ZNF790: variants seen among roughly 807,000 people sequenced by gnomAD.
ZNF790 encodes the protein zinc finger protein 790.
ZNF790 carries 8 observed loss-of-function variants against 12.1 expected under a neutral mutation model. The observed-to-expected ratio is 0.66, with a 90% CI of 0.39 to 1.19. ZNF790 has a LOEUF of 1.19. Among genes scored for constraint, ZNF790 ranks in the 50% most tolerant of loss-of-function variants. The pLI is 0.01. For synonymous variants in ZNF790, 252 were observed against 244.3 expected, an observed-to-expected ratio of 1.03 and a Z score of -0.29; for missense variants, 707 against 752.2, an observed-to-expected ratio of 0.94 and a Z score of 0.70.
intron 1 of ZNF790, among the ~76,000 whole-genome samples, chr19:36,835,229 C>T (rs952660644): frequency 3.3e-5 from 5 of 151,986 alleles, no homozygotes; most frequent in African/African-American, 4.8e-5. Flanking sequence ...TGCGGTAAGC[C>T]GAGATCCCAC....
upstream of ZNF790, chr19:36,838,459 T>G (rs1332419111): frequency 6.6e-6 from 1 of 152,332 alleles, no homozygotes; most frequent in East Asian, 1.9e-4. The surrounding 1 kb of genome is among the most constrained non-coding windows in gnomAD (Gnocchi z 4.4). Flanking sequence ...GTCCGGAGCC[T>G]GGGCCGTCTT....
At chr19:36,826,801 A>C (rs535413515) in intron 1 of ZNF790, among the ~76,000 whole-genome samples, 1 of 150,910 alleles carries the variant, frequency 6.6e-6, no homozygotes, top group South Asian at 2.1e-4. Flanking sequence ...TTATGAAAGG[A>C]GCCAACTAGT....
chr19:36,819,077 C>G lies in ZNF790; in HGVS notation c.1267G>C (p.Glu423Gln), dbSNP rs1297330868. 2.5e-6 allele frequency: 4 copies of G among 1,613,840 alleles called. No individual in the cohort carries two copies. In the African/African-American group the frequency reaches 4.0e-5, roughly 16 times the overall value. ...AAAGTCTTCCCGCATTGCTTACATT[C>G]ATAAGGTTTCCTGCCAGTATGAATT... The part of the protein sequence containing the change: ...QRIHTGRKPY[E>Q]CKQCGKTFTW... The change falls in exon 5 of 5, where the codon GAA becomes CAA. Residue 423 changes from glutamate (E) to glutamine (Q), a missense_variant. Glu to Gln is a conservative substitution (Grantham distance 29). Transcript: ENST00000356725.
chr19:36,822,520 TTTTG>T (rs139757499), intron 4 of ZNF790, among the ~76,000 whole-genome samples: 72,092 of 151,404 alleles, frequency 0.48, 17,675 homozygotes, highest in African/African-American at 0.57. Flanking sequence ...TTAAAGTGTT[TTTTG>T]TTTGTTTGTT....
In ZNF790 at chr19:36,834,677, C is replaced by T. The variant is rs367667618; in HGVS notation, c.-74+3660G>A. On this transcript the variant is annotated intron_variant, in intron 1 of 4. Coordinates refer to ENST00000356725, the MANE Select transcript of ZNF790 (RefSeq NM_206894.4). ...GTATCTGCTTGAGGAGATTCACATA[C>T]TCTTACTCACCAATTCCTCTCCTTG... 7.2e-5 allele frequency among the ~76,000 whole-genome samples: 11 copies of T among 152,314 alleles called. No homozygotes were observed. The East Asian group carries it at 1.2e-3, about 16-fold the overall frequency.
intron 1 of ZNF790, among the ~76,000 whole-genome samples, chr19:36,834,335 A>G (rs932926119): frequency 6.6e-6 from 1 of 151,892 alleles, no homozygotes; most frequent in Non-Finnish European, 1.5e-5. Flanking sequence ...CTGACAAGGG[A>G]CTCATTCAGA....
chr19:36,818,353 G>A lies in ZNF790; in HGVS notation c.*80C>T, dbSNP rs1236193780. The A allele has an allele frequency of 3.7e-6, 5 of 1,354,658 alleles. No homozygotes were observed. The highest frequency in any genetic ancestry group is 1.5e-5 in the African/African-American group (1 of 68,864). The allele number at this position is 1,354,658 out of a possible 1,614,324, so 83.9% of individuals were successfully genotyped here. A position where few individuals can be genotyped will look rare whatever the true frequency, so the allele number is the denominator to read the frequency against. On this transcript the variant is annotated 3_prime_UTR_variant, in exon 5 of 5. Coordinates refer to ENST00000356725, the MANE Select transcript of ZNF790 (RefSeq NM_206894.4). ...CCTTCCAATATTACTTACATTTGTG[G>A]TGTTCCTCAAGAGAAAAAAATAAAT...
At chr19:36,829,538 A>G (rs1266002788) in intron 1 of ZNF790, among the ~76,000 whole-genome samples, 2 of 152,192 alleles carry the variant, frequency 1.3e-5, no homozygotes, top group Non-Finnish European at 2.9e-5. Flanking sequence ...TCGTCTATTA[A>G]TGGACATTTG....
Position 36,818,236 on chromosome 19 carries a change from C to A in ZNF790, c.*197G>T. The A allele has an allele frequency of 2.3e-6, 1 of 437,290 alleles. No homozygotes were observed. The highest frequency in any genetic ancestry group is 2.0e-5 in the African/African-American group (1 of 50,330). 27.1% of individuals were successfully genotyped at this position (437,290 alleles called of 1,614,324 possible). On this transcript the variant is annotated 3_prime_UTR_variant, in exon 5 of 5. Coordinates refer to ENST00000356725, the MANE Select transcript of ZNF790 (RefSeq NM_206894.4). Reference sequence around the variant, plus strand: ...TACCCTGATATTCTGCAATTGATAACTGATCAGTAATTTCTTTCCTATATT... The same window carrying A: ...TACCCTGATATTCTGCAATTGATAAATGATCAGTAATTTCTTTCCTATATT...
chr19:36,850,422 T>C (rs1006057122), upstream of ZNF790: 1 of 152,276 alleles, frequency 6.6e-6, no homozygotes, highest in Admixed American at 6.5e-5. Context: ...TTAAAGACTA[T>C]TGCAATAGTC....
At chr19:36,831,997 A>G (rs2071953340) in intron 1 of ZNF790, among the ~76,000 whole-genome samples, 1 of 152,158 alleles carries the variant, frequency 6.6e-6, no homozygotes, top group Non-Finnish European at 1.5e-5. Flanking sequence ...CAGTACCCCA[A>G]ACAGTGGGGT....
intron 1 of ZNF790, among the ~76,000 whole-genome samples, chr19:36,833,457 A>C (rs1418703277): frequency 6.6e-6 from 1 of 152,140 alleles, no homozygotes; most frequent in Non-Finnish European, 1.5e-5. Flanking sequence ...CAATGTCTTT[A>C]TATTAATTAC....
chr19:36,833,895 AG>A (rs1310863690), intron 1 of ZNF790, among the ~76,000 whole-genome samples: 2 of 152,214 alleles, frequency 1.3e-5, no homozygotes, highest in African/African-American at 4.8e-5. Flanking sequence ...AAACCATAAA[AG>A]AAAAATGATA....
intron 1 of ZNF790, among the ~76,000 whole-genome samples, chr19:36,848,551 T>C (rs2072202062): frequency 6.6e-6 from 1 of 152,210 alleles, no homozygotes; most frequent in East Asian, 1.9e-4. Context: ...AGGAATGTGA[T>C]GCTGGAGAAC....
At chr19:36,827,991 A>T (rs2071867000) in intron 1 of ZNF790, 1 of 152,222 alleles carries the variant, frequency 6.6e-6, no homozygotes, top group South Asian at 2.1e-4. Context: ...AGCCTGTAGT[A>T]TGAATTGGTC....
chr19:36,834,243 C>CAA (rs751627349), intron 1 of ZNF790, among the ~76,000 whole-genome samples: 733 of 33,160 alleles, frequency 0.022, 14 homozygotes, highest in African/African-American at 0.037. Flanking sequence ...AACTCCATCT[C>CAA]AAAAAAAAAA....
intron 1 of ZNF790, among the ~76,000 whole-genome samples, chr19:36,834,243 C>CAAAAAAAAA (rs751627349): frequency 2.9e-5 from 1 of 34,886 alleles, no homozygotes; most frequent in African/African-American, 8.7e-5. Flanking sequence ...AACTCCATCT[C>CAAAAAAAAA]AAAAAAAAAA....
In ZNF790 at chr19:36,818,643, A is replaced by C; in HGVS notation, c.1701T>G (p.Ser567Arg). Residue 567 changes from serine (S) to arginine (R), a missense_variant, in exon 5 of 5, where the codon AGT (serine) becomes AGG (arginine). Ser to Arg is a moderately radical substitution (Grantham distance 110, BLOSUM62 -1). Coordinates refer to ENST00000356725, the MANE Select transcript of ZNF790 (RefSeq NM_206894.4). ...ATGAATGGTGACTAAAGATGTGGCT[A>C]CTTTTCTTGCATCCATAAGGTTCTG... ...TDAEPYGCKK[S>R]SHIFSHHSYF... 2.5e-6 allele frequency: 4 copies of C among 1,611,662 alleles called. No homozygotes were observed. The highest frequency in any genetic ancestry group is 3.4e-6 in the Non-Finnish European group (4 of 1,178,882).
intron 1 of ZNF790, among the ~76,000 whole-genome samples, chr19:36,844,636 GA>G (rs60449015): frequency 0.079 from 11,964 of 151,490 alleles, 1,405 homozygotes; most frequent in African/African-American, 0.26. Flanking sequence ...AAAACTCTGA[GA>G]AAAAAAATAT....
Sources: allele counts gnomAD v4.1 joint callset (sites outside exome capture counted in the v4.1 genomes callset), GRCh38; gene constraint gnomAD v4.1.1; non-coding constraint Gnocchi (gnomAD v3.1); transcripts MANE v1.5; gene names NCBI Gene and HGNC (gene_info 2026-07-23, HGNC 2026-07-21).